The following RNF213 variants were observed in gnomAD, a reference collection of about 807,000 sequenced individuals.
RNF213 encodes ring finger protein 213.
Under a neutral mutation model 514.4 loss-of-function variants are expected in RNF213, and 341 were observed. The observed-to-expected ratio is 0.66, with a 90% confidence interval of 0.61 to 0.73. The LOEUF is 0.73. Ranked by LOEUF, RNF213 falls within the 30% of genes least tolerant of loss-of-function variation. The probability of loss-of-function intolerance (pLI) is 0.00; values close to 1 mark genes in which losing one functional copy is unlikely to be tolerated. For missense variants in RNF213, 5,767 were observed against 6,615.6 expected, an observed-to-expected ratio of 0.87 and a Z score of 4.45; for synonymous variants, 2,655 against 2,658.2, an observed-to-expected ratio of 1.00 and a Z score of 0.04.
At chr17:80,333,040 A>G (rs1481109992) in intron 21 of RNF213, among the ~76,000 whole-genome samples, 1 of 151,056 alleles carries the variant, frequency 6.6e-6, no homozygotes, top group Non-Finnish European at 1.5e-5. Context: ...TAGAGTTAAG[A>G]GGTGACTCTT....
intron 17 of RNF213, among the ~76,000 whole-genome samples, chr17:80,322,187 G>T (rs1317819508): frequency 2.4e-4 from 25 of 102,546 alleles, no homozygotes; most frequent in African/African-American, 9.1e-4. Flanking sequence ...TTGAGAAAAG[G>T]TCTCGCTTTG....
chr17:80,316,042 G>A (rs961159773), intron 15 of RNF213: 2 of 152,096 alleles, frequency 1.3e-5, no homozygotes, highest in African/African-American at 4.8e-5. Context: ...GGAGATAATG[G>A]TGGTGGTGGA....
At chr17:80,380,723 C>T (rs1240049825) in intron 55 of RNF213, 108 bp from the exon 56 acceptor site, 1 of 1,294,824 alleles carries the variant, frequency 7.7e-7, no homozygotes, top group Admixed American at 1.7e-5. Context: ...AAGTACTCTT[C>T]ACATAACTCT....
intron 67 of RNF213, among the ~76,000 whole-genome samples, chr17:80,392,263 C>A (rs1190471099): frequency 6.6e-6 from 1 of 152,174 alleles, no homozygotes; most frequent in African/African-American, 2.4e-5. Flanking sequence ...GTTCTTTCAA[C>A]TTTTTCAACA....
rs1568125877 is a variant in RNF213 at position 80,356,922 on chromosome 17, G to GT, written c.10863-1366_10863-1365insT. On this transcript the variant is annotated intron_variant, in intron 36 of 67. Coordinates refer to ENST00000582970, the MANE Select transcript of RNF213 (RefSeq NM_001256071.3). Reference sequence around the variant, plus strand: ...TCCCCCAACATTAATTACCTTGTGGGGTTTTTTTTTTTTCGAGACAGAGTC... The same window carrying GT: ...TCCCCCAACATTAATTACCTTGTGGGTGTTTTTTTTTTTTCGAGACAGAGTC... 7.1e-3 allele frequency among the ~76,000 whole-genome samples: 571 copies of GT among 80,726 alleles called. 4 individuals carry two copies. Among genetic ancestry groups the GT allele is most frequent in the African/African-American group, 0.031 (498 of 15,872 alleles). 53.0% of individuals were successfully genotyped at this position (80,726 alleles called of 152,430 possible).
At chr17:80,388,499 C>T in intron 63 of RNF213, 113 bp from the exon 64 acceptor site, 1 of 781,712 alleles carries the variant, frequency 1.3e-6, no homozygotes, top group Non-Finnish European at 2.3e-6. Flanking sequence ...AAGGGATACA[C>T]AGGGCAGCGC....
In RNF213 at chr17:80,377,040, C is replaced by A; in HGVS notation, c.13510+77C>A. 8.5e-7 allele frequency: 1 copy of A among 1,169,732 alleles called. No individual in the cohort carries two copies. Among genetic ancestry groups the A allele is most frequent in the Non-Finnish European group, 1.3e-6 (1 of 791,940 alleles). The allele number at this position is 1,169,732 out of a possible 1,614,324, so 72.5% of individuals were successfully genotyped here. A position where few individuals can be genotyped will look rare whatever the true frequency, so the allele number is the denominator to read the frequency against. On this transcript the variant is annotated intron_variant, in intron 53 of 67. Coordinates refer to ENST00000582970, the MANE Select transcript of RNF213 (RefSeq NM_001256071.3). This position sits in a 1 kb window ranked among gnomAD's most constrained non-coding sequence, Gnocchi z 4.1. ...TCCAGATGCTATGAAGCATTGGGTT[C>A]GACTTGGGGTCCACGTGGTTTGTGC...
intron 22 of RNF213, among the ~76,000 whole-genome samples, chr17:80,335,818 A>G (rs1221143959): frequency 6.6e-6 from 1 of 152,106 alleles, no homozygotes; most frequent in African/African-American, 2.4e-5. Context: ...TCTACTAAAA[A>G]TACAAAAAAT....
chr17:80,311,397 C>T (rs921570448), intron 14 of RNF213, among the ~76,000 whole-genome samples: 1 of 152,196 alleles, frequency 6.6e-6, no homozygotes, highest in Non-Finnish European at 1.5e-5. Flanking sequence ...TTGGCCATCG[C>T]TGTCCAGCCC....
rs2078276584 is a variant in RNF213, at chr17:80,345,375, C to T, written c.7040C>T (p.Thr2347Ile). ...AAGGTCATCAAGAGAGACGTCATGA[C>T]CAGGGACCTGTACCAGGGCCTGCTG... ...TGKVIKRDVM[T>I]RDLYQGLLLQ... Residue 2347 changes from threonine (T) to isoleucine (I), a missense_variant, in exon 29 of 68, where the codon ACC becomes ATC. By Grantham distance (89) the Thr-to-Ile change is moderately conservative. Coordinates refer to ENST00000582970, the MANE Select transcript of RNF213 (RefSeq NM_001256071.3). This position sits in a 1 kb window ranked among gnomAD's most constrained non-coding sequence, Gnocchi z 6.0. 3 of 1,614,100 alleles carry T rather than the reference C, an allele frequency of 1.9e-6. No homozygotes were observed. Among genetic ancestry groups the T allele is most frequent in the African/African-American group, 1.3e-5 (1 of 75,028 alleles).
At chr17:80,328,255 T>C (rs2046329386) in intron 19 of RNF213, 73 bp from the exon 20 acceptor site, 3 of 1,473,972 alleles carry the variant, frequency 2.0e-6, no homozygotes, top group Middle Eastern at 1.8e-4. Context: ...GGTGCGGCGC[T>C]TTCAAAGCAT....
chr17:80,299,101 A>G (rs1316150818), intron 11 of RNF213, among the ~76,000 whole-genome samples: 1 of 152,216 alleles, frequency 6.6e-6, no homozygotes, highest in African/African-American at 2.4e-5. Flanking sequence ...TGGGTGTTTT[A>G]TGTACTTAAA....
At chr17:80,367,657 TG>T in intron 42 of RNF213, 90 bp from the exon 43 acceptor site, 2 of 943,428 alleles carry the variant, frequency 2.1e-6, no homozygotes, top group Non-Finnish European at 3.4e-6. Flanking sequence ...GGCGCAGCCT[TG>T]GCCCTGAATG....
intron 54 of RNF213, among the ~76,000 whole-genome samples, chr17:80,378,492 T>C (rs2079852991): frequency 6.6e-6 from 1 of 152,164 alleles, no homozygotes. Flanking sequence ...CTGGCTCTCT[T>C]ACCCAGGCTG....
intron 6 of RNF213, 117 bp from the exon 7 acceptor site, chr17:80,290,453 G>A (rs1042368398): frequency 4.1e-5 from 51 of 1,238,600 alleles, no homozygotes; most frequent in Non-Finnish European, 5.8e-5. Flanking sequence ...GTGTGTGTGC[G>A]AGTGCATGTG....
In RNF213 at chr17:80,393,322, T is replaced by G. The variant is rs766261004; in HGVS notation, c.15471-23T>G. Reference sequence around the variant, plus strand: ...ACCATGCTGAGGAGACTGTTTTAAATGCTCTCTTCTTTGGTTTTTCAGCCT... The same window carrying G: ...ACCATGCTGAGGAGACTGTTTTAAAGGCTCTCTTCTTTGGTTTTTCAGCCT... On this transcript the variant is annotated intron_variant, in intron 67 of 67. Coordinates refer to ENST00000582970, the MANE Select transcript of RNF213 (RefSeq NM_001256071.3). The G allele has an allele frequency of 3.0e-5, 48 of 1,612,176 alleles. No individual in the cohort carries two copies. In the East Asian group the frequency reaches 9.8e-4, roughly 33 times the overall value.
intron 11 of RNF213, among the ~76,000 whole-genome samples, chr17:80,304,719 T>C (rs1361032814): frequency 6.6e-6 from 1 of 152,070 alleles, no homozygotes; most frequent in African/African-American, 2.4e-5. Context: ...TTGTAAAATA[T>C]ACATAATCTC....
intron 44 of RNF213, among the ~76,000 whole-genome samples, chr17:80,368,793 C>G (rs748343272): frequency 6.6e-6 from 1 of 152,166 alleles, no homozygotes; most frequent in African/African-American, 2.4e-5. Context: ...GATCAACCCA[C>G]TTCTTGTCTA....
In RNF213 at chr17:80,313,056, A is replaced by C. The variant is rs1386318370; in HGVS notation, c.2700A>C (p.Gln900His). The C allele has an allele frequency of 2.5e-6, 4 of 1,613,942 alleles. No individual in the cohort carries two copies. Among genetic ancestry groups the C allele is most frequent in the Non-Finnish European group, 3.4e-6 (4 of 1,180,048 alleles). The part of the protein sequence containing the change: ...QRDETGNNSV[Q>H]TVFQGTLAAT... Reference sequence around the variant, plus strand: ...ATGAAACTGGAAATAATTCAGTCCAAACAGTCTTCCAAGGGACCCTTGCTG... The same window carrying C: ...ATGAAACTGGAAATAATTCAGTCCACACAGTCTTCCAAGGGACCCTTGCTG... Residue 900 changes from glutamine (Q) to histidine (H), a missense_variant, in exon 15 of 68, where the codon CAA becomes CAC. Physicochemically the swap from Gln to His is conservative, Grantham distance 24 (BLOSUM62 0). This residue lies in a region of RNF213 where 592 missense variants were observed against 673.9 expected (regional missense o/e 0.88). Transcript: ENST00000582970.
Sources: allele counts gnomAD v4.1 joint callset (sites outside exome capture counted in the v4.1 genomes callset), GRCh38; gene constraint gnomAD v4.1.1; regional missense constraint gnomAD v4.1.1; non-coding constraint Gnocchi (gnomAD v3.1); transcripts MANE v1.5; gene names NCBI Gene and HGNC (gene_info 2026-07-23, HGNC 2026-07-21).